The following SLC8A1 variants were observed in gnomAD, a reference collection of about 807,000 sequenced individuals.
The protein encoded by SLC8A1 is solute carrier family 8 member A1, also known as sodium/calcium exchanger 1.
A neutral mutation model predicts 68.3 loss-of-function variants in SLC8A1; 18 were observed. The ratio of observed to expected loss-of-function variants is 0.26; its 90% CI spans 0.18 to 0.39. The LOEUF (loss-of-function observed/expected upper bound fraction) is 0.39, where lower values mean the gene tolerates loss of function less well. Among genes scored for constraint, SLC8A1 ranks in the 10% least tolerant of loss-of-function variants. The pLI is 1.00. For missense variants in SLC8A1, 985 were observed against 1,156.7 expected, an observed-to-expected ratio of 0.85 and a Z score of 2.15; for synonymous variants, 475 against 415.5, an observed-to-expected ratio of 1.14 and a Z score of -1.74.
intron 2 of SLC8A1, among the ~76,000 whole-genome samples, chr2:40,341,944 T>G (rs1038269029): frequency 6.6e-6 from 1 of 152,132 alleles, no homozygotes; most frequent in African/African-American, 2.4e-5. Context: ...CTGCTTAGGA[T>G]ATTAAGAGAA....
chr2:40,162,767 A>G (rs2045905549), intron 5 of SLC8A1, among the ~76,000 whole-genome samples: 1 of 152,122 alleles, frequency 6.6e-6, no homozygotes, highest in African/African-American at 2.4e-5. Flanking sequence ...TTTTCACTGC[A>G]CTAGATTTTC....
At chr2:40,323,833 T>C in intron 2 of SLC8A1, among the ~76,000 whole-genome samples, 1 of 152,140 alleles carries the variant, frequency 6.6e-6, no homozygotes, top group East Asian at 1.9e-4. Flanking sequence ...CAGTCTCTTA[T>C]CAAGGTATCT....
chr2:40,284,247 AT>A (rs2067930190), intron 2 of SLC8A1, among the ~76,000 whole-genome samples: 1 of 150,402 alleles, frequency 6.6e-6, no homozygotes, highest in Non-Finnish European at 1.5e-5. Flanking sequence ...TCTATAACAT[AT>A]TTCTCTCTAT....
intron 2 of SLC8A1, among the ~76,000 whole-genome samples, chr2:40,345,296 A>G (rs1166535930): frequency 2.6e-5 from 4 of 152,232 alleles, no homozygotes; most frequent in Non-Finnish European, 5.9e-5. Context: ...ATCTGTATTT[A>G]GTAATAAACA....
intron 2 of SLC8A1, among the ~76,000 whole-genome samples, chr2:40,391,682 C>G (rs1481413360): frequency 6.6e-6 from 1 of 152,056 alleles, no homozygotes; most frequent in Admixed American, 6.6e-5. Flanking sequence ...ATATCCACAA[C>G]TTGGAACTCT....
intron 2 of SLC8A1, among the ~76,000 whole-genome samples, chr2:40,363,611 T>C (rs1055167239): frequency 1.3e-5 from 2 of 152,274 alleles, no homozygotes; most frequent in East Asian, 1.9e-4. Flanking sequence ...AGTTGTTCAG[T>C]AGTTATTTAT....
chr2:40,198,014 C>A (rs1183196344), intron 2 of SLC8A1, among the ~76,000 whole-genome samples: 1 of 151,942 alleles, frequency 6.6e-6, no homozygotes, highest in African/African-American at 2.4e-5. Context: ...ATCAGAAGGA[C>A]AGGAGTGCAT....
intron 2 of SLC8A1, among the ~76,000 whole-genome samples, chr2:40,322,965 G>C (rs2075384194): frequency 6.6e-6 from 1 of 151,932 alleles, no homozygotes; most frequent in South Asian, 2.1e-4. Flanking sequence ...GTTCAGAAAA[G>C]AAGAGGCATA....
At chr2:40,323,273 T>C (rs1440211228) in intron 2 of SLC8A1, among the ~76,000 whole-genome samples, 4 of 152,156 alleles carry the variant, frequency 2.6e-5, no homozygotes, top group Admixed American at 1.3e-4. Flanking sequence ...CTGGATTCTG[T>C]CAATATTTCC....
At chr2:40,321,143 G>C (rs189034820) in intron 2 of SLC8A1, among the ~76,000 whole-genome samples, 232 of 152,224 alleles carry the variant, frequency 1.5e-3, no homozygotes, top group African/African-American at 5.1e-3. Context: ...ACAAATTAAA[G>C]GGGATATGAG....
At chr2:40,392,759 A>G (rs1685720492) in intron 2 of SLC8A1, among the ~76,000 whole-genome samples, 1 of 152,132 alleles carries the variant, frequency 6.6e-6, no homozygotes, top group Non-Finnish European at 1.5e-5. Context: ...AAAACGGAGA[A>G]GAGGACAATA....
intron 1 of SLC8A1, among the ~76,000 whole-genome samples, chr2:40,437,193 G>A (rs1387313723): frequency 6.6e-6 from 1 of 152,118 alleles, no homozygotes; most frequent in African/African-American, 2.4e-5. Context: ...TTTCCAAAAT[G>A]GCAGACACAT....
At chr2:40,348,338 G>T (rs1163800653) in intron 2 of SLC8A1, among the ~76,000 whole-genome samples, 1 of 152,080 alleles carries the variant, frequency 6.6e-6, no homozygotes, top group Non-Finnish European at 1.5e-5. Context: ...TATTTTGCTG[G>T]TCTTGAGAAT....
intron 7 of SLC8A1, among the ~76,000 whole-genome samples, chr2:40,130,989 C>T (rs1337808180): frequency 6.6e-6 from 1 of 151,046 alleles, no homozygotes; most frequent in African/African-American, 2.4e-5. Context: ...AGGTAAATAA[C>T]CCAGGAGGCC....
At chr2:40,420,234 C>T (rs533832327) in intron 2 of SLC8A1, among the ~76,000 whole-genome samples, 1 of 152,010 alleles carries the variant, frequency 6.6e-6, no homozygotes, top group Non-Finnish European at 1.5e-5. Flanking sequence ...ATAAATAATT[C>T]TTACTATTAA....
exon 8 of SLC8A1, chr2:40,115,011 G>A (rs1298415941): frequency 3.9e-6 from 1 of 257,440 alleles, no homozygotes; most frequent in Non-Finnish European, 7.2e-6. Flanking sequence ...TGGAGAGAGT[G>A]CAGCCCTTCT....
Position 40,327,163 on chromosome 2 carries a change from A to T in SLC8A1, c.1808+101310T>A, listed in dbSNP as rs140389401. On this transcript the variant is annotated intron_variant, in intron 2 of 7. Coordinates refer to ENST00000406785, the Ensembl canonical transcript of SLC8A1. ...GCATGTTATACATTTGAAACCTATA[A>T]TGCACAAATAATTGTATGCCCTGCT... 7.0e-4 allele frequency among the ~76,000 whole-genome samples: 106 copies of T among 152,316 alleles called. 1 individual carries two copies. Among genetic ancestry groups the T allele is most frequent in the Non-Finnish European group, 5.4e-4 (37 of 68,030 alleles).
At chr2:40,294,938 C>T (rs560657379) in intron 2 of SLC8A1, among the ~76,000 whole-genome samples, 12 of 151,960 alleles carry the variant, frequency 7.9e-5, no homozygotes, top group South Asian at 4.2e-4. Context: ...TGGCTTCCAC[C>T]GGGGTGACAA....
exon 8 of SLC8A1, chr2:40,113,272 T>C (rs1038916573): frequency 6.5e-6 from 1 of 152,756 alleles, no homozygotes; most frequent in Non-Finnish European, 1.5e-5. Flanking sequence ...TATTTTTGAA[T>C]CAATACAGAG....
Sources: allele counts gnomAD v4.1 joint callset (sites outside exome capture counted in the v4.1 genomes callset), GRCh38; gene constraint gnomAD v4.1.1; transcripts MANE v1.5; gene names NCBI Gene and HGNC (gene_info 2026-07-23, HGNC 2026-07-21).